The following HPSE2 variants were observed in gnomAD, a reference collection of about 807,000 sequenced individuals.
The protein encoded by HPSE2 is heparanase 2 (inactive).
HPSE2 carries 38 observed loss-of-function variants against 60.5 expected under a neutral mutation model. The observed-to-expected ratio is 0.63, with a 90% CI of 0.48 to 0.82. HPSE2 has a LOEUF of 0.82. Ranked by LOEUF, HPSE2 falls within the 40% of genes least tolerant of loss-of-function variation. The pLI, the probability that HPSE2 is intolerant of heterozygous loss-of-function variation, is 0.00. For synonymous variants in HPSE2, 295 were observed against 293.2 expected (o/e 1.01, Z -0.06); for missense variants, 713 against 740.4 (o/e 0.96, Z 0.43).
chr10:98,826,958 G>C (rs916903573), intron 3 of HPSE2, among the ~76,000 whole-genome samples: 3 of 151,860 alleles, frequency 2.0e-5, no homozygotes, highest in Non-Finnish European at 4.4e-5. Context: ...GACCAGCCTG[G>C]GCAACATAGG....
rs549453937 is a variant in HPSE2, at chr10:98,860,851, T to C, written c.611-116795A>G. Among the ~76,000 whole-genome samples the C allele has an allele frequency of 5.9e-5, 9 of 152,330 alleles. No individual in the cohort carries two copies. In the South Asian group the frequency reaches 6.2e-4, roughly 11 times the overall value. ...TGGTTTTATGAGCCCTCTATTTGTC[T>C]ATAAAAGTACTCAGTTCATTTTACT... On this transcript the variant is annotated intron_variant, in intron 3 of 11. Coordinates refer to ENST00000370552, the MANE Select transcript of HPSE2 (RefSeq NM_021828.5).
chr10:99,248,310 A>T, the HPSE2 span, among the ~76,000 whole-genome samples: 1 of 152,320 alleles, frequency 6.6e-6, no homozygotes, highest in African/African-American at 2.4e-5. Flanking sequence ...GGAGGAACTT[A>T]TTGGGAACTA....
At chr10:98,764,513 C>T (rs974991743) in intron 3 of HPSE2, among the ~76,000 whole-genome samples, 4 of 152,060 alleles carry the variant, frequency 2.6e-5, no homozygotes, top group East Asian at 1.9e-4. Context: ...TCCAATTATA[C>T]ACTATGACAA....
intron 10 of HPSE2, among the ~76,000 whole-genome samples, chr10:98,483,590 T>C (rs1941328179): frequency 1.3e-5 from 2 of 152,178 alleles, no homozygotes; most frequent in African/African-American, 4.8e-5. Context: ...TGTGGGAAGA[T>C]TTTTTCTTCC....
rs555144766 is a variant in HPSE2, at chr10:98,604,064, A to C, written c.1320+10840T>G. Among the ~76,000 whole-genome samples, 7 of 152,270 alleles carry C rather than the reference A, an allele frequency of 4.6e-5. No homozygotes were observed. In the South Asian group the frequency reaches 1.4e-3, roughly 32 times the overall value. On this transcript the variant is annotated intron_variant, in intron 9 of 11. Transcript: ENST00000370552. ...ACCGTATTACTAAAGGCTTATTTAC[A>C]ATTGTTCTTTTTACCTGATACATCA...
intron 9 of HPSE2, among the ~76,000 whole-genome samples, chr10:98,530,390 G>A (rs796570844): frequency 3.3e-5 from 5 of 152,270 alleles, no homozygotes; most frequent in African/African-American, 7.2e-5. Context: ...TTCTGATTCC[G>A]TAAGACTGAC....
intron 3 of HPSE2, among the ~76,000 whole-genome samples, chr10:98,830,103 C>T (rs1462221847): frequency 6.6e-6 from 1 of 152,046 alleles, no homozygotes; most frequent in Non-Finnish European, 1.5e-5. Context: ...CATTCATTCA[C>T]TCACTCATTC....
At chr10:98,520,786 C>G (rs569510343) in intron 9 of HPSE2, among the ~76,000 whole-genome samples, 28 of 152,230 alleles carry the variant, frequency 1.8e-4, no homozygotes, top group African/African-American at 6.7e-4. Context: ...GGTACCAAAA[C>G]AGATGTACAG....
intron 3 of HPSE2, among the ~76,000 whole-genome samples, chr10:99,129,324 T>A (rs1845290585): frequency 6.6e-6 from 1 of 152,166 alleles, no homozygotes; most frequent in South Asian, 2.1e-4. Context: ...TCAACATCTG[T>A]AGAATATACA....
At chr10:98,730,205 A>G (rs1019072532) in intron 4 of HPSE2, among the ~76,000 whole-genome samples, 2 of 152,194 alleles carry the variant, frequency 1.3e-5, no homozygotes, top group Non-Finnish European at 2.9e-5. Context: ...AAATCCCCAA[A>G]TATTTGAAAA....
chr10:98,663,569 A>T (rs1947281084), intron 6 of HPSE2, among the ~76,000 whole-genome samples: 1 of 152,192 alleles, frequency 6.6e-6, no homozygotes, highest in African/African-American at 2.4e-5. Context: ...ACTGAAGCTG[A>T]GGAGCCGCCT....
Position 98,879,881 on chromosome 10 carries a change from G to GTGTC in HPSE2, c.611-135826_611-135825insGACA, listed in dbSNP as rs1952976538. Among the ~76,000 whole-genome samples, 3 of 151,382 alleles carry GTGTC rather than the reference G, an allele frequency of 2.0e-5. No homozygotes were observed. The South Asian group carries it at 6.3e-4, about 32-fold the overall frequency. ...TGTGTGTGTGTGTGTGTGTGTGTGT[G>GTGTC]TGTGTGATGTGTTTCTGCAGAATCC... On this transcript the variant is annotated intron_variant, in intron 3 of 11. Transcript: ENST00000370552.
intron 3 of HPSE2, among the ~76,000 whole-genome samples, chr10:98,817,522 G>T (rs1951319392): frequency 6.6e-6 from 1 of 152,102 alleles, no homozygotes; most frequent in African/African-American, 2.4e-5. Flanking sequence ...CTCTAAAATT[G>T]CTTCTCGCTA....
intron 2 of HPSE2, among the ~76,000 whole-genome samples, chr10:99,165,475 C>G (rs1453622752): frequency 1.3e-5 from 2 of 152,022 alleles, no homozygotes; most frequent in Non-Finnish European, 2.9e-5. Flanking sequence ...GTAAAATTCA[C>G]TATTTGTTGC....
chr10:99,249,858 T>C, the HPSE2 span, among the ~76,000 whole-genome samples: 1 of 152,084 alleles, frequency 6.6e-6, no homozygotes, highest in African/African-American at 2.4e-5. Context: ...TAAAAGTGTG[T>C]AGTGGCCAGG....
At chr10:98,765,136 A>C in intron 3 of HPSE2, among the ~76,000 whole-genome samples, 1 of 152,240 alleles carries the variant, frequency 6.6e-6, no homozygotes, top group East Asian at 1.9e-4. Context: ...GTAGATGGAG[A>C]CCTGAACAAT....
the HPSE2 span, among the ~76,000 whole-genome samples, chr10:99,305,971 G>GCACACACACACACACACACACA: frequency 5.7e-4 from 24 of 41,966 alleles, no homozygotes; most frequent in South Asian, 7.4e-4. Context: ...ACGCGCGCGC[G>GCACACACACACACACACACACA]CGCGCGCGCA....
the HPSE2 span, among the ~76,000 whole-genome samples, chr10:99,297,132 G>A: frequency 2.6e-5 from 4 of 151,816 alleles, no homozygotes; most frequent in African/African-American, 4.8e-5. Context: ...TCTCCCCACC[G>A]CAGCCTGGTG....
At chr10:99,034,842 T>C (rs566347564) in intron 3 of HPSE2, among the ~76,000 whole-genome samples, 1 of 152,288 alleles carries the variant, frequency 6.6e-6, no homozygotes, top group South Asian at 2.1e-4. Context: ...TTCTAACACA[T>C]GGTAATTGTG....
Sources: gnomAD v4.1 joint callset for allele counts (sites outside exome capture counted in the v4.1 genomes callset) on GRCh38, gnomAD v4.1.1 for gene constraint, MANE v1.5 for transcripts, NCBI Gene and HGNC (gene_info 2026-07-23, HGNC 2026-07-21) for gene names.